KCNC2: variants seen among roughly 807,000 people sequenced by gnomAD.
KCNC2 encodes the protein voltage-gated potassium channel KCNC2.
Under a neutral mutation model 44.5 loss-of-function variants are expected in KCNC2, and 21 were observed. The ratio of observed to expected loss-of-function variants is 0.47; its 90% CI spans 0.33 to 0.68. The LOEUF is 0.68. Ranked by LOEUF, KCNC2 falls within the 30% of genes least tolerant of loss-of-function variation. The probability of loss-of-function intolerance (pLI) is 0.01; values close to 1 mark genes in which losing one functional copy is unlikely to be tolerated. For synonymous variants in KCNC2, 391 were observed against 339.1 expected, an observed-to-expected ratio of 1.15 and a Z score of -1.68; for missense variants, 589 against 826.2, an observed-to-expected ratio of 0.71 and a Z score of 3.52.
chr12:75,172,910 A>C (rs535245476), intron 2 of KCNC2, among the ~76,000 whole-genome samples: 1 of 152,008 alleles, frequency 6.6e-6, no homozygotes, highest in South Asian at 2.1e-4. Context: ...AACTTTAACA[A>C]GGTATAATTA....
chr12:75,135,897 T>C (rs1889194609), intron 2 of KCNC2, among the ~76,000 whole-genome samples: 1 of 152,014 alleles, frequency 6.6e-6, no homozygotes, highest in African/African-American at 2.4e-5. Context: ...TTTAGCATGG[T>C]TTTCCCCTTT....
Position 75,175,851 on chromosome 12 carries a change from G to A in KCNC2, c.687+31446C>T, listed in dbSNP as rs146640479. On this transcript the variant is annotated intron_variant, in intron 2 of 4. Coordinates refer to ENST00000549446, the MANE Select transcript of KCNC2 (RefSeq NM_139137.4). ...TATTCAATAATAGTTTAAGAACAGG[G>A]TTGCCAGGTAATTATGGGATGTCCA... Among the ~76,000 whole-genome samples, 8 of 152,134 alleles carry A rather than the reference G, an allele frequency of 5.3e-5. No individual in the cohort carries two copies. In the East Asian group the frequency reaches 1.5e-3, roughly 29 times the overall value.
chr12:75,160,459 G>T (rs758989993), intron 2 of KCNC2, among the ~76,000 whole-genome samples: 3 of 151,782 alleles, frequency 2.0e-5, no homozygotes, highest in Admixed American at 6.6e-5. Flanking sequence ...TCAATACTTT[G>T]CCCAAAATCA....
intron 2 of KCNC2, among the ~76,000 whole-genome samples, chr12:75,113,753 CTT>C (rs1887433484): frequency 6.6e-6 from 1 of 152,176 alleles, no homozygotes; most frequent in Non-Finnish European, 1.5e-5. Context: ...AGTAGAACCT[CTT>C]ATCTATTTTG....
chr12:75,115,873 T>C (rs1319563924), intron 2 of KCNC2, among the ~76,000 whole-genome samples: 2 of 152,156 alleles, frequency 1.3e-5, no homozygotes, highest in African/African-American at 4.8e-5. Flanking sequence ...ATATTGTGCA[T>C]ACCTGAAACT....
At chr12:75,194,670 A>G (rs2030601133) in intron 2 of KCNC2, among the ~76,000 whole-genome samples, 1 of 152,302 alleles carries the variant, frequency 6.6e-6, no homozygotes, top group African/African-American at 2.4e-5. Context: ...TGATAACTAG[A>G]GAATACATGT....
chr12:75,182,201 A>G (rs1338970015), intron 2 of KCNC2, among the ~76,000 whole-genome samples: 1 of 151,886 alleles, frequency 6.6e-6, no homozygotes, highest in Non-Finnish European at 1.5e-5. Flanking sequence ...GGTAATATGT[A>G]TAAAGTGCAT....
At position 75,057,475 on chromosome 12, in the gene KCNC2, T is replaced by A. The variant is rs182269032; in HGVS notation, c.688-6158A>T. 2.4e-3 allele frequency among the ~76,000 whole-genome samples: 365 copies of A among 152,134 alleles called. 1 individual carries two copies. The highest frequency in any genetic ancestry group is 7.0e-3 in the African/African-American group (292 of 41,554). ...GGCTGTTGATAAAATCAATTTTTTT[T>A]ATCCAAGTTTTACCACTTAAAAACA... On this transcript the variant is annotated intron_variant, in intron 2 of 4. Coordinates refer to ENST00000549446, the MANE Select transcript of KCNC2 (RefSeq NM_139137.4).
intron 2 of KCNC2, among the ~76,000 whole-genome samples, chr12:75,102,651 T>C (rs1352834072): frequency 6.6e-6 from 1 of 152,116 alleles, no homozygotes; most frequent in Non-Finnish European, 1.5e-5. Flanking sequence ...TTCTAATTAA[T>C]ATATGCATAC....
At position 75,167,178 on chromosome 12, in the gene KCNC2, C is replaced by T. The variant is rs553273967; in HGVS notation, c.687+40119G>A. Among the ~76,000 whole-genome samples, 4 of 151,392 alleles carry T rather than the reference C, an allele frequency of 2.6e-5. 1 individual carries two copies. In the South Asian group the frequency reaches 8.3e-4, roughly 31 times the overall value. ...AACTATATACTGACAAATTAAATAACTTCACTGAAATAGACAAACTACCAA... is the reference window on the plus strand; with the variant it reads ...AACTATATACTGACAAATTAAATAATTTCACTGAAATAGACAAACTACCAA... On this transcript the variant is annotated intron_variant, in intron 2 of 4. Transcript: ENST00000549446.
chr12:75,060,506 C>A (rs1197209024), intron 2 of KCNC2, among the ~76,000 whole-genome samples: 2 of 152,000 alleles, frequency 1.3e-5, no homozygotes, highest in Non-Finnish European at 2.9e-5. Context: ...CTCTCTGTTG[C>A]CCAAGTTAGA....
rs201631232 is a variant in KCNC2 at position 75,051,367 on chromosome 12, A to G, written c.688-50T>C. On this transcript the variant is annotated intron_variant, in intron 2 of 4. Transcript: ENST00000549446. Reference sequence around the variant, plus strand: ...AACCCATAGTGATCTGAATCGTAATATATGTTGATTCTAATCTAAAAGCAA... The same window carrying G: ...AACCCATAGTGATCTGAATCGTAATGTATGTTGATTCTAATCTAAAAGCAA... The G allele has an allele frequency of 5.8e-6, 6 of 1,027,666 alleles. No individual in the cohort carries two copies. In the African/African-American group the frequency reaches 9.8e-5, roughly 17 times the overall value. 63.7% of individuals were successfully genotyped at this position (1,027,666 alleles called of 1,614,324 possible).
intron 2 of KCNC2, among the ~76,000 whole-genome samples, chr12:75,146,208 C>T (rs1158531054): frequency 6.6e-6 from 1 of 152,226 alleles, no homozygotes; most frequent in South Asian, 2.1e-4. Flanking sequence ...CCTGCCTTGG[C>T]CTCCCAAAGT....
chr12:75,080,552 CAAAAA>C (rs1029447833), intron 2 of KCNC2, among the ~76,000 whole-genome samples: 7 of 152,024 alleles, frequency 4.6e-5, no homozygotes, highest in African/African-American at 1.7e-4. Context: ...ATTGAATGTG[CAAAAA>C]ATAATGTCTC....
intron 2 of KCNC2, among the ~76,000 whole-genome samples, chr12:75,125,101 G>A (rs1229478807): frequency 1.3e-5 from 2 of 151,698 alleles, no homozygotes; most frequent in Non-Finnish European, 1.5e-5. Context: ...CTGAGACTCC[G>A]TCTCAAAAAA....
At chr12:75,160,609 C>T (rs1365242939) in intron 2 of KCNC2, among the ~76,000 whole-genome samples, 1 of 151,766 alleles carries the variant, frequency 6.6e-6, no homozygotes. Flanking sequence ...ATTATACTTG[C>T]CTTCTAAAAC....
intron 2 of KCNC2, among the ~76,000 whole-genome samples, chr12:75,086,681 A>AAATATATATATATATAT (rs1206456289): frequency 3.4e-3 from 185 of 54,112 alleles, no homozygotes; most frequent in Non-Finnish European, 4.6e-3. Flanking sequence ...AAAAAAAAAA[A>AAATATATATATATATAT]ATATATATAT....
At position 75,207,201 on chromosome 12, in the gene KCNC2, C is replaced by A. The variant is rs2446318; in HGVS notation, c.687+96G>T. On this transcript the variant is annotated intron_variant, in intron 2 of 4. Transcript: ENST00000549446. The surrounding 1 kb of genome is among the most constrained non-coding windows in gnomAD (Gnocchi z 4.1). The stretch of plus-strand genomic sequence containing the variant: ...AGGAAATCCCGGGTCTCTTCTACCC[C>A]CCATGCCTGAGGCCCTGGGGTGGAA... The A allele has an allele frequency of 2.4e-5, 35 of 1,477,512 alleles. No individual in the cohort carries two copies. The South Asian group carries it at 3.2e-4, about 13-fold the overall frequency. The allele number at this position is 1,477,512 out of a possible 1,614,324, so 91.5% of individuals were successfully genotyped here.
At chr12:75,193,607 G>A (rs2030501095) in intron 2 of KCNC2, among the ~76,000 whole-genome samples, 1 of 152,138 alleles carries the variant, frequency 6.6e-6, no homozygotes, top group Admixed American at 6.5e-5. Flanking sequence ...GAAAAGTGGA[G>A]CAAAATCTAA....
Sources: allele counts gnomAD v4.1 joint callset (sites outside exome capture counted in the v4.1 genomes callset), GRCh38; gene constraint gnomAD v4.1.1; non-coding constraint Gnocchi (gnomAD v3.1); transcripts MANE v1.5; gene names NCBI Gene and HGNC (gene_info 2026-07-23, HGNC 2026-07-21).